The following PDE4B variants were observed in gnomAD, a reference collection of about 807,000 sequenced individuals.
The protein encoded by PDE4B is 3',5'-cyclic-AMP phosphodiesterase 4B.
A neutral mutation model predicts 82.2 loss-of-function variants in PDE4B; 20 were observed. The ratio of observed to expected loss-of-function variants is 0.24; its 90% CI spans 0.17 to 0.35. The LOEUF (loss-of-function observed/expected upper bound fraction) is 0.35, where lower values mean the gene tolerates loss of function less well. PDE4B is among the 10% of genes least tolerant of loss of function. The pLI, the probability that PDE4B is intolerant of heterozygous loss-of-function variation, is 1.00. For synonymous variants in PDE4B, 320 were observed against 318.9 expected (o/e 1.00, Z -0.04); for missense variants, 655 against 907.2 (o/e 0.72, Z 3.57).
intron 3 of PDE4B, among the ~76,000 whole-genome samples, chr1:66,145,454 T>C (rs1007652987): frequency 6.6e-6 from 1 of 152,180 alleles, no homozygotes; most frequent in Non-Finnish European, 1.5e-5. Flanking sequence ...ATTTGGACTT[T>C]ACAAATAGGT....
intron 7 of PDE4B, among the ~76,000 whole-genome samples, chr1:66,322,760 A>T (rs965966514): frequency 1.3e-5 from 2 of 151,940 alleles, no homozygotes; most frequent in Non-Finnish European, 2.9e-5. Flanking sequence ...CATTTAGATC[A>T]TAACAAATGC....
At chr1:66,024,291 C>G (rs972203927) in intron 3 of PDE4B, among the ~76,000 whole-genome samples, 2 of 152,096 alleles carry the variant, frequency 1.3e-5, no homozygotes, top group Non-Finnish European at 2.9e-5. Context: ...AAATATTAAT[C>G]TAGCATCACT....
intron 3 of PDE4B, among the ~76,000 whole-genome samples, chr1:65,972,099 G>A (rs926063824): frequency 6.6e-6 from 1 of 152,116 alleles, no homozygotes; most frequent in African/African-American, 2.4e-5. Context: ...TTATGACTGT[G>A]CATTTATTGG....
rs1425658889 is a variant in PDE4B, at chr1:65,956,583, G to A, written c.281+37748G>A. Among the ~76,000 whole-genome samples, 7 of 152,208 alleles carry A rather than the reference G, an allele frequency of 4.6e-5. No individual in the cohort carries two copies. The East Asian group carries it at 1.4e-3, about 29-fold the overall frequency. ...GTTTCTAAGAGTTTCCTTATTGTTT[G>A]CTTCTCCAGTGACTTTGCAATAACC... On this transcript the variant is annotated intron_variant, in intron 3 of 16. Coordinates refer to ENST00000341517, the MANE Select transcript of PDE4B (RefSeq NM_002600.4).
In PDE4B at chr1:65,979,994, C is replaced by T. The variant is rs1473293930; in HGVS notation, c.281+61159C>T. On this transcript the variant is annotated intron_variant, in intron 3 of 16. Coordinates refer to ENST00000341517, the MANE Select transcript of PDE4B (RefSeq NM_002600.4). ...AGGGACAGACTTTCTGAGGAGAAGACGTATGAACAGAAGAGAACCATAGAA... is the reference window on the plus strand; with the variant it reads ...AGGGACAGACTTTCTGAGGAGAAGATGTATGAACAGAAGAGAACCATAGAA... Among the ~76,000 whole-genome samples the T allele has an allele frequency of 2.6e-5, 4 of 152,020 alleles. No homozygotes were observed. The South Asian group carries it at 8.3e-4, about 32-fold the overall frequency.
At chr1:66,147,319 G>A (rs760361616) in intron 3 of PDE4B, among the ~76,000 whole-genome samples, 8 of 152,070 alleles carry the variant, frequency 5.3e-5, no homozygotes, top group Non-Finnish European at 7.4e-5. Flanking sequence ...TAACAGCCCC[G>A]TAAGGTCAGG....
At chr1:66,283,754 C>A (rs1656460541) in intron 7 of PDE4B, among the ~76,000 whole-genome samples, 1 of 151,982 alleles carries the variant, frequency 6.6e-6, no homozygotes, top group Non-Finnish European at 1.5e-5. Flanking sequence ...GTGGGGTTAA[C>A]AACACACCAA....
intron 1 of PDE4B, among the ~76,000 whole-genome samples, chr1:65,855,142 G>GATATT (rs200109700): frequency 0.021 from 3,127 of 150,264 alleles, 101 homozygotes; most frequent in African/African-American, 0.067. Context: ...TATTTAAGCA[G>GATATT]ATATTATATT....
chr1:66,028,405 T>A (rs1653572340), intron 3 of PDE4B, among the ~76,000 whole-genome samples: 1 of 152,020 alleles, frequency 6.6e-6, no homozygotes, highest in African/African-American at 2.4e-5. Context: ...CCTCAAGGCC[T>A]GTGATGGGAG....
intron 3 of PDE4B, among the ~76,000 whole-genome samples, chr1:65,919,332 C>T (rs902324493): frequency 1.1e-4 from 17 of 151,994 alleles, no homozygotes; most frequent in African/African-American, 3.4e-4. Flanking sequence ...ATGAAAATTG[C>T]GCTATGAGAG....
chr1:66,352,309 G>A (rs572616539), intron 8 of PDE4B, among the ~76,000 whole-genome samples: 5 of 152,274 alleles, frequency 3.3e-5, no homozygotes, highest in South Asian at 2.1e-4. Context: ...GCCTGGGAAG[G>A]AGGAAGGTGA....
chr1:66,151,262 A>C (rs1270519772), intron 3 of PDE4B, among the ~76,000 whole-genome samples: 3 of 152,184 alleles, frequency 2.0e-5, no homozygotes, highest in Non-Finnish European at 4.4e-5. Context: ...ATTAGAAAGC[A>C]AAAGCAGCTG....
intron 3 of PDE4B, among the ~76,000 whole-genome samples, chr1:66,015,743 T>C (rs1301005913): frequency 1.3e-5 from 2 of 152,176 alleles, no homozygotes; most frequent in African/African-American, 4.8e-5. Flanking sequence ...AATTAATATT[T>C]CTTTTTCCAG....
intron 3 of PDE4B, among the ~76,000 whole-genome samples, chr1:66,023,538 G>GA (rs1231937987): frequency 6.6e-6 from 1 of 152,170 alleles, no homozygotes; most frequent in Non-Finnish European, 1.5e-5. Context: ...TGGAACAAGT[G>GA]AAAAGCTCCA....
At chr1:66,055,234 A>C (rs191008970) in intron 3 of PDE4B, among the ~76,000 whole-genome samples, 1 of 152,356 alleles carries the variant, frequency 6.6e-6, no homozygotes, top group Admixed American at 6.5e-5. Context: ...GTGGAGGCAC[A>C]TGGTGCTTAA....
At chr1:66,223,629 A>G (rs906956919) in intron 3 of PDE4B, among the ~76,000 whole-genome samples, 5 of 151,926 alleles carry the variant, frequency 3.3e-5, no homozygotes, top group African/African-American at 1.2e-4. Context: ...GCTCCAACTG[A>G]CACCTGGCTC....
At chr1:66,098,362 C>T (rs1207462318) in intron 3 of PDE4B, among the ~76,000 whole-genome samples, 2 of 152,152 alleles carry the variant, frequency 1.3e-5, no homozygotes, top group Admixed American at 1.3e-4. Flanking sequence ...AGCCTAGCAA[C>T]TGCTTTCAGG....
At chr1:66,310,454 C>T (rs6689595) in intron 7 of PDE4B, among the ~76,000 whole-genome samples, 71,394 of 152,042 alleles carry the variant, frequency 0.47, 18,223 homozygotes, top group East Asian at 0.81. Context: ...TCTTATTCTC[C>T]ATGGAATCCC....
At chr1:66,261,684 A>G (rs964451429) in intron 6 of PDE4B, among the ~76,000 whole-genome samples, 1 of 152,182 alleles carries the variant, frequency 6.6e-6, no homozygotes, top group Non-Finnish European at 1.5e-5. Flanking sequence ...TACCACTCAA[A>G]GGGTGGAAAT....
Sources: gnomAD v4.1 joint callset for allele counts (sites outside exome capture counted in the v4.1 genomes callset) on GRCh38, gnomAD v4.1.1 for gene constraint, MANE v1.5 for transcripts, NCBI Gene and HGNC (gene_info 2026-07-23, HGNC 2026-07-21) for gene names.